Variants in RAD18 observed in about 807,000 individuals in gnomAD.
The protein encoded by RAD18 is RAD18 E3 ubiquitin protein ligase, also known as E3 ubiquitin-protein ligase RAD18.
Under a neutral mutation model 60.4 loss-of-function variants are expected in RAD18, and 47 were observed. That is an observed-to-expected ratio of 0.78 (90% CI 0.62 to 0.99). RAD18 has a LOEUF of 0.99. Ranked by LOEUF, RAD18 falls within the 50% of genes least tolerant of loss-of-function variation. The pLI is 0.00. For synonymous variants in RAD18, 225 were observed against 195.5 expected (o/e 1.15, Z -1.26); for missense variants, 640 against 593.3 (o/e 1.08, Z -0.82).
intron 2 of RAD18, among the ~76,000 whole-genome samples, chr3:8,951,614 T>C (rs532837211): frequency 1.3e-5 from 2 of 152,362 alleles, no homozygotes; most frequent in East Asian, 3.9e-4. Flanking sequence ...ATTTAACAGA[T>C]AACACTTTGT....
rs368600947 is a variant in RAD18, at chr3:8,890,447, T to C, written c.1327A>G (p.Ser443Gly). ...AAAAGATCTCTTATGATGTCTGAAC[T>C]GGAACTAAAAGGATATGTACATCAG... The part of the protein sequence containing the change: ...SSESDSCNSS[S>G]SDIIRDLLEE... Residue 443 changes from serine to glycine, a missense_variant, in exon 12 of 13, where the codon AGT (serine) becomes GGT (glycine). By Grantham distance (56) the Ser-to-Gly change is moderately conservative. Transcript: ENST00000264926. 4 of 1,584,822 alleles carry C rather than the reference T, an allele frequency of 2.5e-6. No homozygotes were observed. In the African/African-American group the frequency reaches 5.4e-5, roughly 21 times the overall value.
At chr3:8,921,040 A>C (rs500938) in intron 7 of RAD18, among the ~76,000 whole-genome samples, 105,216 of 152,100 alleles carry the variant, frequency 0.69, 36,959 homozygotes, top group Middle Eastern at 0.77. Flanking sequence ...GGACATATTT[A>C]GGGGTAAAGG....
intron 7 of RAD18, among the ~76,000 whole-genome samples, chr3:8,932,680 C>A (rs1468943870): frequency 6.6e-6 from 1 of 152,164 alleles, no homozygotes; most frequent in Non-Finnish European, 1.5e-5. Flanking sequence ...GACCTGTGAA[C>A]CCATGTTCAT....
chr3:8,920,171 C>A (rs200036090), intron 7 of RAD18, among the ~76,000 whole-genome samples: 1 of 147,576 alleles, frequency 6.8e-6, no homozygotes, highest in African/African-American at 2.5e-5. Context: ...CCCAGCTACT[C>A]GGGAGGCTGA....
chr3:8,908,368 T>A (rs1940049459), intron 9 of RAD18, among the ~76,000 whole-genome samples: 1 of 152,016 alleles, frequency 6.6e-6, no homozygotes, highest in South Asian at 2.1e-4. Flanking sequence ...CCTGAGGTCA[T>A]TAGGATGAGC....
At chr3:8,919,408 C>G (rs1319322369) in intron 7 of RAD18, among the ~76,000 whole-genome samples, 5 of 152,100 alleles carry the variant, frequency 3.3e-5, no homozygotes, top group African/African-American at 4.8e-5. Flanking sequence ...CCTGAGACAA[C>G]CCAGTTGCTG....
chr3:8,943,067 C>T (rs1459474402), intron 4 of RAD18, among the ~76,000 whole-genome samples: 3 of 151,838 alleles, frequency 2.0e-5, no homozygotes, highest in African/African-American at 7.3e-5. Context: ...AACATTATAC[C>T]AGGCCTTGAC....
At chr3:8,920,290 A>G (rs1940293685) in intron 7 of RAD18, among the ~76,000 whole-genome samples, 1 of 151,782 alleles carries the variant, frequency 6.6e-6, no homozygotes, top group East Asian at 1.9e-4. Flanking sequence ...AAAAAAAAAA[A>G]AAAAAAAAGA....
chr3:8,949,009 C>A (rs1183194827), intron 2 of RAD18, among the ~76,000 whole-genome samples: 1 of 152,100 alleles, frequency 6.6e-6, no homozygotes, highest in African/African-American at 2.4e-5. Context: ...TAAATAATGT[C>A]CTCTGTCCCA....
At chr3:8,949,449 A>G (rs984956995) in intron 2 of RAD18, among the ~76,000 whole-genome samples, 1 of 152,182 alleles carries the variant, frequency 6.6e-6, no homozygotes, top group African/African-American at 2.4e-5. Flanking sequence ...AGGAGGAAAA[A>G]CAAAGAAACA....
At chr3:8,909,939 A>G (rs962610434) in intron 9 of RAD18, among the ~76,000 whole-genome samples, 3 of 152,238 alleles carry the variant, frequency 2.0e-5, no homozygotes, top group South Asian at 4.1e-4. Context: ...GCTTGCATAC[A>G]CCGTTTCTCA....
rs1383582293 is a variant in RAD18, at chr3:8,878,616, CA to C, written c.*2740del. ...TACCATGTAATTTTGTTTTTAAAGG[CA>C]TACCTCCCTCTATTATATACATGGT... is the stretch of plus-strand genomic sequence containing the variant. On this transcript the variant is annotated 3_prime_UTR_variant, in exon 13 of 13. Coordinates refer to ENST00000264926, the MANE Select transcript of RAD18 (RefSeq NM_020165.4). 6.6e-6 allele frequency: 1 copy of C among 152,152 alleles called. No individual in the cohort carries two copies. Among genetic ancestry groups the C allele is most frequent in the African/African-American group, 2.4e-5 (1 of 41,442 alleles). The allele number at this position is 152,152 out of a possible 1,614,324, so 9.4% of individuals were successfully genotyped here.
At chr3:8,889,989 T>A (rs904200635) in intron 12 of RAD18, 1 of 178,286 alleles carries the variant, frequency 5.6e-6, no homozygotes, top group East Asian at 1.4e-4. Flanking sequence ...GCTGTACAGG[T>A]TTGTAGCCTA....
chr3:8,958,803 CAAGA>C, intron 2 of RAD18, 113 bp downstream of exon 2: 1 of 781,330 alleles, frequency 1.3e-6, no homozygotes, highest in Non-Finnish European at 2.1e-6. Flanking sequence ...TGAAAAACTA[CAAGA>C]TAGAAGAGCT....
intron 11 of RAD18, 126 bp from the exon 12 acceptor site, chr3:8,890,577 G>A: frequency 1.1e-5 from 7 of 633,208 alleles, no homozygotes; most frequent in Non-Finnish European, 1.3e-5. Flanking sequence ...TTACCAGTAA[G>A]AGGAAGGAGG....
chr3:8,951,529 C>T (rs1194897645), intron 2 of RAD18, among the ~76,000 whole-genome samples: 1 of 152,188 alleles, frequency 6.6e-6, no homozygotes, highest in Admixed American at 6.5e-5. Flanking sequence ...AGGTCAGAAA[C>T]TCCAATCTAC....
intron 1 of RAD18, among the ~76,000 whole-genome samples, chr3:8,960,718 TTGGC>T (rs2124849284): frequency 6.6e-6 from 1 of 152,332 alleles, no homozygotes; most frequent in African/African-American, 2.4e-5. Context: ...AGTTCCTAAG[TTGGC>T]TGGATCAAAC....
chr3:8,927,467 G>A (rs1199866218), intron 7 of RAD18, among the ~76,000 whole-genome samples: 8 of 152,206 alleles, frequency 5.3e-5, no homozygotes, highest in South Asian at 2.1e-4. Context: ...TGGTGGGACT[G>A]TAAACTAGTT....
intron 1 of RAD18, 110 bp downstream of exon 1, chr3:8,963,225 T>G: frequency 8.0e-7 from 1 of 1,252,756 alleles, no homozygotes; most frequent in Non-Finnish European, 1.1e-6. Flanking sequence ...CCGGGCCCAG[T>G]GCGACGCTCG....
Sources: allele counts gnomAD v4.1 joint callset (sites outside exome capture counted in the v4.1 genomes callset), GRCh38; gene constraint gnomAD v4.1.1; transcripts MANE v1.5; gene names NCBI Gene and HGNC (gene_info 2026-07-23, HGNC 2026-07-21).